Variants in FUT8 observed in about 807,000 individuals in gnomAD.
FUT8 encodes fucosyltransferase 8.
FUT8 carries 29 observed loss-of-function variants against 71.3 expected under a neutral mutation model. The ratio of observed to expected loss-of-function variants is 0.41; its 90% confidence interval spans 0.30 to 0.55. The LOEUF is 0.55. FUT8 is among the 20% of genes least tolerant of loss of function. The pLI, the probability that FUT8 is intolerant of heterozygous loss-of-function variation, is 0.34. For missense variants in FUT8, 544 were observed against 702.1 expected, an observed-to-expected ratio of 0.77 and a Z score of 2.55; for synonymous variants, 254 against 239.3, an observed-to-expected ratio of 1.06 and a Z score of -0.57.
chr14:65,610,978 T>C (rs1011509483), intron 3 of FUT8, among the ~76,000 whole-genome samples: 8 of 151,726 alleles, frequency 5.3e-5, no homozygotes, highest in Non-Finnish European at 1.2e-4. Context: ...TTTTTTTTCT[T>C]ACTATATCTT....
At chr14:65,615,187 A>G (rs1054660822) in intron 3 of FUT8, among the ~76,000 whole-genome samples, 1 of 152,154 alleles carries the variant, frequency 6.6e-6, no homozygotes, top group Non-Finnish European at 1.5e-5. Flanking sequence ...ATCTTGAACT[A>G]TGGTTCAAGG....
intron 3 of FUT8, among the ~76,000 whole-genome samples, chr14:65,590,139 A>G (rs1163395366): frequency 6.6e-6 from 1 of 152,144 alleles, no homozygotes; most frequent in African/African-American, 2.4e-5. Context: ...TGATTACTTG[A>G]TTTTGTCCTT....
intron 2 of FUT8, among the ~76,000 whole-genome samples, chr14:65,458,791 CTTTTTTTTT>C (rs748466416): frequency 7.4e-6 from 1 of 135,584 alleles, no homozygotes; most frequent in African/African-American, 2.7e-5. Context: ...TCTTTTCTTT[CTTTTTTTTT>C]TTTTTTTGAG....
chr14:65,602,165 A>G (rs1249911786), intron 3 of FUT8, among the ~76,000 whole-genome samples: 1 of 151,002 alleles, frequency 6.6e-6, no homozygotes, highest in Non-Finnish European at 1.5e-5. Context: ...AGTCCGTCGT[A>G]TCCTTCCTAT....
At chr14:65,679,763 G>A (rs985982099) in intron 7 of FUT8, among the ~76,000 whole-genome samples, 8 of 152,164 alleles carry the variant, frequency 5.3e-5, no homozygotes, top group Admixed American at 1.3e-4. Context: ...TCACCTGGGG[G>A]ATGGTGGCAA....
At chr14:65,453,104 C>A (rs1462918250) in intron 1 of FUT8, among the ~76,000 whole-genome samples, 1 of 151,176 alleles carries the variant, frequency 6.6e-6, no homozygotes, top group Non-Finnish European at 1.5e-5. Context: ...TAAATTGTGC[C>A]CTGTTGGGTG....
chr14:65,644,298 T>TA lies in FUT8; in HGVS notation c.597+14692_597+14693insA, dbSNP rs201805853. ...TCATTATTCATGTTATATATATATATTTTTTTTTTTGAGACGGAGTCTCAC... is the reference window on the plus strand; with the variant it reads ...TCATTATTCATGTTATATATATATATATTTTTTTTTTGAGACGGAGTCTCAC... On this transcript the variant is annotated intron_variant, in intron 6 of 10. Coordinates refer to ENST00000673929, the MANE Select transcript of FUT8 (RefSeq NM_001371533.1). Among the ~76,000 whole-genome samples, 126 of 143,818 alleles carry TA rather than the reference T, an allele frequency of 8.8e-4. No homozygotes were observed. The Middle Eastern group carries it at 0.011, about 13-fold the overall frequency. 94.4% of individuals were successfully genotyped at this position (143,818 alleles called of 152,430 possible). A position where few individuals can be genotyped will look rare whatever the true frequency, so the allele number is the denominator to read the frequency against.
intron 7 of FUT8, among the ~76,000 whole-genome samples, chr14:65,715,790 T>A (rs1355101779): frequency 6.6e-6 from 1 of 152,176 alleles, no homozygotes; most frequent in Non-Finnish European, 1.5e-5. Flanking sequence ...TGTTACTGAT[T>A]TCTTGTTTTA....
intron 9 of FUT8, among the ~76,000 whole-genome samples, chr14:65,728,632 G>A (rs536787648): frequency 2.0e-5 from 3 of 152,278 alleles, no homozygotes; most frequent in East Asian, 1.9e-4. Context: ...CTGTATGATG[G>A]TAGTCCCATA....
chr14:65,618,010 C>CAT (rs149450437), intron 5 of FUT8, among the ~76,000 whole-genome samples: 1,274 of 86,518 alleles, frequency 0.015, 22 homozygotes, highest in Middle Eastern at 0.039. Context: ...AAAATTAATT[C>CAT]ATATATATAT....
Position 65,472,396 on chromosome 14 carries a change from C to G in FUT8, c.-228+16678C>G, listed in dbSNP as rs1409165990. Among the ~76,000 whole-genome samples the G allele has an allele frequency of 1.3e-5, 2 of 152,014 alleles. No homozygotes were observed. The highest frequency in any genetic ancestry group is 2.9e-5 in the Non-Finnish European group (2 of 68,004). On this transcript the variant is annotated intron_variant, in intron 2 of 10. Coordinates refer to ENST00000673929, the MANE Select transcript of FUT8 (RefSeq NM_001371533.1). The surrounding 1 kb of genome is among the most constrained non-coding windows in gnomAD (Gnocchi z 4.4). ...ATGCCCAACAACATCTCCCATTAGGCCCCACCCCCAACATTGAGATCAAAT... is the reference window on the plus strand; with the variant it reads ...ATGCCCAACAACATCTCCCATTAGGGCCCACCCCCAACATTGAGATCAAAT...
chr14:65,424,162 C>T (rs2065346565), intron 1 of FUT8, among the ~76,000 whole-genome samples: 1 of 152,150 alleles, frequency 6.6e-6, no homozygotes, highest in Non-Finnish European at 1.5e-5. Flanking sequence ...CTGGAATATA[C>T]AATTTATTGG....
At chr14:65,431,474 T>A (rs1045717044) in intron 1 of FUT8, among the ~76,000 whole-genome samples, 3 of 151,350 alleles carry the variant, frequency 2.0e-5, no homozygotes, top group African/African-American at 7.3e-5. Flanking sequence ...CATACCCGGC[T>A]TTTTTTTGGT....
At chr14:65,529,071 AT>A in intron 2 of FUT8, 1 of 162,990 alleles carries the variant, frequency 6.1e-6, no homozygotes. Context: ...TTTTTTCTCA[AT>A]TTTCCTCTCA....
At chr14:65,702,541 T>C (rs989751177) in intron 7 of FUT8, among the ~76,000 whole-genome samples, 3 of 152,154 alleles carry the variant, frequency 2.0e-5, no homozygotes, top group African/African-American at 7.2e-5. Context: ...AAGCATCTTA[T>C]AGCATGGCTC....
chr14:65,528,505 G>A (rs1883680361), intron 2 of FUT8, among the ~76,000 whole-genome samples: 3 of 152,212 alleles, frequency 2.0e-5, no homozygotes, highest in Non-Finnish European at 2.9e-5. Flanking sequence ...CCCAGGTGAA[G>A]CGATGCCTCA....
At chr14:65,362,947 G>A in the FUT8 span, among the ~76,000 whole-genome samples, 6 of 105,034 alleles carry the variant, frequency 5.7e-5, no homozygotes, top group African/African-American at 2.3e-4. Flanking sequence ...GGGCAACAGA[G>A]CAAGACTCTG....
intron 10 of FUT8, among the ~76,000 whole-genome samples, chr14:65,740,345 C>G (rs1016781232): frequency 1.3e-5 from 2 of 149,604 alleles, no homozygotes; most frequent in Admixed American, 1.3e-4. Context: ...AATGTAGTTT[C>G]ATTTGCAAAT....
intron 3 of FUT8, among the ~76,000 whole-genome samples, chr14:65,609,086 G>A (rs1888737277): frequency 6.6e-6 from 1 of 151,804 alleles, no homozygotes; most frequent in Non-Finnish European, 1.5e-5. Flanking sequence ...CCTGAGGTCA[G>A]GAGTTGAAGA....
Sources: gnomAD v4.1 joint callset for allele counts (sites outside exome capture counted in the v4.1 genomes callset) on GRCh38, gnomAD v4.1.1 for gene constraint, Gnocchi (gnomAD v3.1) non-coding constraint, MANE v1.5 for transcripts, NCBI Gene and HGNC (gene_info 2026-07-23, HGNC 2026-07-21) for gene names.